The following RGS3 variants were observed in gnomAD, a reference collection of about 807,000 sequenced individuals.
The protein encoded by RGS3 is regulator of G protein signaling 3.
Under a neutral mutation model 132.6 loss-of-function variants are expected in RGS3, and 80 were observed. That is an observed-to-expected ratio of 0.60 (90% confidence interval 0.50 to 0.73). The LOEUF (loss-of-function observed/expected upper bound fraction) is 0.73, where lower values mean the gene tolerates loss of function less well. Ranked by LOEUF, RGS3 falls within the 30% of genes least tolerant of loss-of-function variation. The pLI is 0.00. For missense variants in RGS3, 1,382 were observed against 1,530.8 expected (o/e 0.90, Z 1.62); for synonymous variants, 598 against 620.6 (o/e 0.96, Z 0.54).
intron 4 of RGS3, among the ~76,000 whole-genome samples, chr9:113,480,544 G>A (rs1830127657): frequency 6.6e-6 from 1 of 152,048 alleles, no homozygotes; most frequent in Non-Finnish European, 1.5e-5. Flanking sequence ...GGAACACCAA[G>A]GAGAAGCACC....
chr9:113,455,478 T>C (rs1037910578), upstream of RGS3, among the ~76,000 whole-genome samples: 4 of 152,204 alleles, frequency 2.6e-5, no homozygotes, highest in Non-Finnish European at 5.9e-5. Flanking sequence ...GCACTCTGCT[T>C]TTCTGGCTCT....
intron 24 of RGS3, 151 bp downstream of exon 22, chr9:113,595,916 C>G: frequency 1.2e-6 from 1 of 846,388 alleles, no homozygotes; most frequent in Non-Finnish European, 1.8e-6. Flanking sequence ...AAGCTAGGAT[C>G]AGGGGAAGAA....
intron 7 of RGS3, among the ~76,000 whole-genome samples, chr9:113,491,031 G>A (rs1457696269): frequency 7.8e-6 from 1 of 128,992 alleles, no homozygotes; most frequent in Admixed American, 8.0e-5. Flanking sequence ...TTATATATTG[G>A]TATATATAAT....
At chr9:113,594,852 G>A (rs910873023) in intron 22 of RGS3, 67 bp from the exon 21 acceptor site, 11 of 1,501,638 alleles carry the variant, frequency 7.3e-6, no homozygotes, top group Admixed American at 1.7e-5. Context: ...AGGCCGCCTG[G>A]CCCAGCTTCC....
chr9:113,582,037 C>G (rs777756511), intron 19 of RGS3: 1 of 985,372 alleles, frequency 1.0e-6, no homozygotes, highest in African/African-American at 1.7e-5. Context: ...TTACCCGTGC[C>G]GAGCTTTCAC....
In RGS3 at chr9:113,539,169, C is replaced by T. The variant is rs944206; in HGVS notation, c.2037+2251C>T. On this transcript the variant is annotated intron_variant, in intron 19 of 24. Transcript: ENST00000350696. Reference sequence around the variant, plus strand: ...AGCATTGTCCACTTGCGCTCAGTTCCGTCAGTTCCTGGCAGCCTCGGGGTG... The same window carrying T: ...AGCATTGTCCACTTGCGCTCAGTTCTGTCAGTTCCTGGCAGCCTCGGGGTG... Among the ~76,000 whole-genome samples, 1,284 of 152,326 alleles carry T rather than the reference C, an allele frequency of 8.4e-3. 49 individuals are homozygous for T. The South Asian group carries it at 0.085, about 10-fold the overall frequency.
At chr9:113,540,193 T>G (rs967998791) in intron 19 of RGS3, among the ~76,000 whole-genome samples, 1 of 152,176 alleles carries the variant, frequency 6.6e-6, no homozygotes, top group Non-Finnish European at 1.5e-5. Flanking sequence ...GGAATCCTTG[T>G]ACTAAACTCC....
chr9:113,536,602 C>G, intron 18 of RGS3, 194 bp from the exon 17 acceptor site: 2 of 1,427,596 alleles, frequency 1.4e-6, no homozygotes, highest in African/African-American at 1.4e-5. Flanking sequence ...CCAGCTGGCC[C>G]TTGAACCCAC....
intron 19 of RGS3, among the ~76,000 whole-genome samples, chr9:113,550,815 G>A (rs1420253595): frequency 6.6e-6 from 1 of 151,860 alleles, no homozygotes; most frequent in African/African-American, 2.4e-5. Context: ...TTTTTCTATT[G>A]GGATTTTTAT....
At chr9:113,487,880 T>G (rs939875549) in intron 7 of RGS3, among the ~76,000 whole-genome samples, 4 of 152,162 alleles carry the variant, frequency 2.6e-5, no homozygotes, top group Admixed American at 6.5e-5. Context: ...ACCTAGATTC[T>G]TAGGTGCCGC....
intron 3 of RGS3, among the ~76,000 whole-genome samples, chr9:113,474,721 A>G (rs1026388843): frequency 6.6e-5 from 10 of 152,280 alleles, no homozygotes; most frequent in Middle Eastern, 3.4e-3. Flanking sequence ...AACATGTGAC[A>G]GTTCTTAAAT....
chr9:113,594,147 C>G (rs1342109723), intron 21 of RGS3: 1 of 1,613,174 alleles, frequency 6.2e-7, no homozygotes, highest in Non-Finnish European at 8.5e-7. Context: ...GGCCAGGATT[C>G]CAGAGAGCGT....
intron 18 of RGS3, among the ~76,000 whole-genome samples, chr9:113,529,548 A>G (rs755926423): frequency 3.3e-5 from 5 of 152,194 alleles, no homozygotes; most frequent in Non-Finnish European, 2.9e-5. Flanking sequence ...CAGGAATCTC[A>G]GTGGGGGTGT....
chr9:113,595,018 C>T (rs756011088), intron 23 of RGS3, 38 bp downstream of exon 21: 3 of 1,593,360 alleles, frequency 1.9e-6, no homozygotes, highest in South Asian at 1.1e-5. Context: ...TGTGCCCTCT[C>T]TCCCTCTCCC....
At chr9:113,505,297 G>A in intron 10 of RGS3, 145 bp from the exon 9 acceptor site, 1 of 672,488 alleles carries the variant, frequency 1.5e-6, no homozygotes, top group South Asian at 1.7e-5. Context: ...TAGGGACACT[G>A]AGGGGCTGGC....
intron 19 of RGS3, among the ~76,000 whole-genome samples, chr9:113,540,239 A>G (rs1383839269): frequency 6.6e-6 from 1 of 152,136 alleles, no homozygotes; most frequent in Non-Finnish European, 1.5e-5. Flanking sequence ...CTAATCTAGA[A>G]TAACTCAGAG....
intron 19 of RGS3, chr9:113,582,067 C>T: frequency 1.0e-6 from 1 of 985,450 alleles, no homozygotes; most frequent in Non-Finnish European, 1.2e-6. Flanking sequence ...CATCTGTGCT[C>T]CCAGATGCCA....
chr9:113,512,158 A>G (rs146956275), intron 14 of RGS3, among the ~76,000 whole-genome samples: 112 of 152,322 alleles, frequency 7.4e-4, no homozygotes, highest in Middle Eastern at 3.4e-3. Context: ...TCAGGGTTAC[A>G]CAGACTGTCT....
chr9:113,514,791 C>G, intron 15 of RGS3, 137 bp downstream of exon 13: 1 of 767,656 alleles, frequency 1.3e-6, no homozygotes, highest in Non-Finnish European at 2.1e-6. Context: ...GCTTTAGATG[C>G]ATAGGATTCT....
Sources: gnomAD v4.1 joint callset for allele counts (sites outside exome capture counted in the v4.1 genomes callset) on GRCh38, gnomAD v4.1.1 for gene constraint, MANE v1.5 for transcripts, NCBI Gene and HGNC (gene_info 2026-07-23, HGNC 2026-07-21) for gene names.